The following PLGLB1 variants were observed in gnomAD, a reference collection of about 807,000 sequenced individuals.
PLGLB1 encodes the protein plasminogen-like protein B.
intron 2 of PLGLB1, 46 bp downstream of exon 2, chr2:87,017,507 A>G: frequency 2.6e-5 from 1 of 38,990 alleles, no homozygotes; most frequent in Non-Finnish European, 5.1e-5. Flanking sequence ...ATTACTTGCC[A>G]TCTGAATTAC....
At chr2:87,019,488 TC>T (rs1682387334) in intron 1 of PLGLB1, among the ~76,000 whole-genome samples, 1 of 126,528 alleles carries the variant, frequency 7.9e-6, no homozygotes, top group Admixed American at 7.5e-5. Flanking sequence ...CATATCCATG[TC>T]TTTACCCCGC....
At chr2:87,014,140 AG>A (rs1278743439) in intron 3 of PLGLB1, among the ~76,000 whole-genome samples, 45 of 43,760 alleles carry the variant, frequency 1.0e-3, no homozygotes, top group Middle Eastern at 8.8e-3. Flanking sequence ...AAATAAGGAA[AG>A]TAATTATTGT....
At chr2:87,020,665 T>A (rs1682400702) in intron 1 of PLGLB1, among the ~76,000 whole-genome samples, 1 of 115,586 alleles carries the variant, frequency 8.7e-6, no homozygotes, top group Non-Finnish European at 1.7e-5. Context: ...GAGAGTGGAG[T>A]GCGTTTTTGG....
rs1221719154 is a variant in PLGLB1, at chr2:87,016,093, CA to C, written c.*1+208del. ...AAATCTAATCCTTTCATTTTTTGAA[CA>C]AAAAAAAATTAAATCTAGGAGGTGA... is the stretch of plus-strand genomic sequence containing the variant. On this transcript the variant is annotated intron_variant, in intron 3 of 3. Coordinates refer to ENST00000355705, the MANE Select transcript of PLGLB1 (RefSeq NM_001032392.4). 6.3e-4 allele frequency: 72 copies of C among 114,746 alleles called. 1 individual carries two copies. Among genetic ancestry groups the C allele is most frequent in the South Asian group, 2.1e-3 (14 of 6,576 alleles). The allele number at this position is 114,746 out of a possible 1,614,324, so 7.1% of individuals were successfully genotyped here.
intron 3 of PLGLB1, among the ~76,000 whole-genome samples, chr2:87,014,944 C>G (rs1269790187): frequency 1.4e-5 from 2 of 148,062 alleles, no homozygotes; most frequent in Admixed American, 6.7e-5. Flanking sequence ...TGGCAAAACC[C>G]TGGCAGGTAA....
chr2:87,019,038 T>C (rs892537126), intron 1 of PLGLB1, among the ~76,000 whole-genome samples: 3 of 104,148 alleles, frequency 2.9e-5, no homozygotes, highest in Admixed American at 1.9e-4. Flanking sequence ...GAGTGGGTTA[T>C]AGAGTGACGA....
Position 87,011,128 on chromosome 2 carries a change from G to C in PLGLB1, c.*1993C>G. The C allele has an allele frequency of 4.7e-6, 2 of 429,038 alleles. 1 individual carries two copies. The highest frequency in any genetic ancestry group is 8.2e-6 in the Non-Finnish European group (2 of 244,812). 26.6% of individuals were successfully genotyped at this position (429,038 alleles called of 1,614,324 possible). The stretch of plus-strand genomic sequence containing the variant: ...GTAGTCATCTCTCTGTTCTGGATCA[G>C]TAGTATAGCACCAGGGCCCCTGCGC... On this transcript the variant is annotated 3_prime_UTR_variant, in exon 4 of 4. Transcript: ENST00000355705.
At position 87,011,134 on chromosome 2, in the gene PLGLB1, T is replaced by C. The variant is rs1682203827; in HGVS notation, c.*1987A>G. The C allele has an allele frequency of 2.4e-6, 1 of 423,912 alleles. No individual in the cohort carries two copies. The highest frequency in any genetic ancestry group is 4.1e-6 in the Non-Finnish European group (1 of 241,302). 26.3% of individuals were successfully genotyped at this position (423,912 alleles called of 1,614,324 possible). ...ATCTCTCTGTTCTGGATCAGTAGTA[T>C]AGCACCAGGGCCCCTGCGCATCGTT... is the stretch of plus-strand genomic sequence containing the variant. On this transcript the variant is annotated 3_prime_UTR_variant, in exon 4 of 4. Coordinates refer to ENST00000355705, the MANE Select transcript of PLGLB1 (RefSeq NM_001032392.4).
At chr2:87,014,917 C>G (rs1449842326) in intron 3 of PLGLB1, among the ~76,000 whole-genome samples, 2 of 147,922 alleles carry the variant, frequency 1.4e-5, no homozygotes, top group Non-Finnish European at 3.0e-5. Context: ...TAAACGTGAT[C>G]TAACACTGAC....
rs536261474 is a variant in PLGLB1 at position 87,018,392 on chromosome 2, G to A, written c.50-704C>T. On this transcript the variant is annotated intron_variant, in intron 1 of 3. Coordinates refer to ENST00000355705, the MANE Select transcript of PLGLB1 (RefSeq NM_001032392.4). Reference sequence around the variant, plus strand: ...GGTTCTGACACTGTCACTTGAACTGGTGGGAAGCATCCTCTGAATGGTCCC... The same window carrying A: ...GGTTCTGACACTGTCACTTGAACTGATGGGAAGCATCCTCTGAATGGTCCC... 4 of 70,018 alleles carry A rather than the reference G, an allele frequency of 5.7e-5. 2 individuals are homozygous for A. The highest frequency in any genetic ancestry group is 4.7e-4 in the Admixed American group (4 of 8,444). 4.3% of individuals were successfully genotyped at this position (70,018 alleles called of 1,614,324 possible). A position where few individuals can be genotyped will look rare whatever the true frequency, so the allele number is the denominator to read the frequency against.
In PLGLB1 at chr2:87,010,920, A is replaced by G. The variant is rs1458534430; in HGVS notation, c.*2201T>C. Among the ~76,000 whole-genome samples, 1 of 98,478 alleles carries G rather than the reference A, an allele frequency of 1.0e-5. No individual in the cohort carries two copies. Among genetic ancestry groups the G allele is most frequent in the Non-Finnish European group, 2.0e-5 (1 of 51,240 alleles). The allele number at this position is 98,478 out of a possible 152,430, so 64.6% of individuals were successfully genotyped here. ...AAATTCTGTCTCAGAAAAAAAAAAA[A>G]AATCAGGTTAATTCTGGGATCTGAG... On this transcript the variant is annotated 3_prime_UTR_variant, in exon 4 of 4. Coordinates refer to ENST00000355705, the MANE Select transcript of PLGLB1 (RefSeq NM_001032392.4).
chr2:87,017,466 C>T (rs1682358079), intron 2 of PLGLB1, 87 bp downstream of exon 2: 1 of 28,096 alleles, frequency 3.6e-5, no homozygotes, highest in African/African-American at 1.1e-4. Context: ...ATTTCTCTTT[C>T]CTCTTAAATC....
At position 87,021,122 on chromosome 2, in the gene PLGLB1, G is replaced by A. The variant is rs1374960277; in HGVS notation, c.49+613C>T. On this transcript the variant is annotated intron_variant, in intron 1 of 3. Transcript: ENST00000355705. ...CAGGTATGTATGTATGTGTAAAAATGTAGCGACCTAACCCAAGCACTAAGT... is the reference window on the plus strand; with the variant it reads ...CAGGTATGTATGTATGTGTAAAAATATAGCGACCTAACCCAAGCACTAAGT... Among the ~76,000 whole-genome samples, 19 of 117,798 alleles carry A rather than the reference G, an allele frequency of 1.6e-4. No homozygotes were observed. In the East Asian group the frequency reaches 4.6e-3, roughly 29 times the overall value. 77.3% of individuals were successfully genotyped at this position (117,798 alleles called of 152,430 possible). A position where few individuals can be genotyped will look rare whatever the true frequency, so the allele number is the denominator to read the frequency against.
In PLGLB1 at chr2:87,011,939, TTTTA is replaced by T. The variant is rs955226990; in HGVS notation, c.*1178_*1181del. On this transcript the variant is annotated 3_prime_UTR_variant, in exon 4 of 4. Coordinates refer to ENST00000355705, the MANE Select transcript of PLGLB1 (RefSeq NM_001032392.4). ...AAGACTTACAGTCTAGAAAGGCAGG[TTTTA>T]TTTCTGGTTCTTCTGTGAACCTATT... Among the ~76,000 whole-genome samples the T allele has an allele frequency of 8.6e-5, 2 of 23,272 alleles. No homozygotes were observed. Among genetic ancestry groups the T allele is most frequent in the Admixed American group, 4.7e-4 (1 of 2,122 alleles). The allele number at this position is 23,272 out of a possible 152,430, so 15.3% of individuals were successfully genotyped here. A position where few individuals can be genotyped will look rare whatever the true frequency, so the allele number is the denominator to read the frequency against.
chr2:87,017,249 A>C (rs1292279071), intron 2 of PLGLB1, among the ~76,000 whole-genome samples: 5 of 120,172 alleles, frequency 4.2e-5, no homozygotes, highest in African/African-American at 1.4e-4. Context: ...ACTTTCATTC[A>C]TATGATCCTC....
chr2:87,013,720 A>G (rs1167459396), intron 3 of PLGLB1: 2 of 15,150 alleles, frequency 1.3e-4, no homozygotes, highest in East Asian at 2.3e-3. Flanking sequence ...CAGTTAGACA[A>G]TGGGCCCTCT....
chr2:87,019,259 A>C (rs1316753996), intron 1 of PLGLB1, among the ~76,000 whole-genome samples: 1 of 87,802 alleles, frequency 1.1e-5, no homozygotes, highest in Non-Finnish European at 2.2e-5. Flanking sequence ...TACACAGAGC[A>C]CAGGGAGGAG....
intron 1 of PLGLB1, among the ~76,000 whole-genome samples, chr2:87,021,073 C>A (rs1424226901): frequency 6.8e-6 from 1 of 146,876 alleles, no homozygotes; most frequent in Non-Finnish European, 1.5e-5. Flanking sequence ...GTAAAGGACA[C>A]ACACTCACAC....
intron 2 of PLGLB1, among the ~76,000 whole-genome samples, chr2:87,017,137 G>A (rs1270963359): frequency 6.8e-6 from 1 of 146,916 alleles, no homozygotes; most frequent in Non-Finnish European, 1.5e-5. Context: ...GCTCACTTAG[G>A]CTGTCTTTTT....
Sources: gnomAD v4.1 joint callset for allele counts (sites outside exome capture counted in the v4.1 genomes callset) on GRCh38, gnomAD v4.1.1 for gene constraint, MANE v1.5 for transcripts, NCBI Gene and HGNC (gene_info 2026-07-23, HGNC 2026-07-21) for gene names.